Variants in CA10 observed in about 807,000 individuals in gnomAD.
The protein encoded by CA10 is carbonic anhydrase-related protein 10.
A neutral mutation model predicts 44.2 loss-of-function variants in CA10; 14 were observed. That is an observed-to-expected ratio of 0.32 (90% confidence interval 0.21 to 0.50). CA10 has a LOEUF of 0.50. CA10 is among the 20% of genes least tolerant of loss of function. CA10 has a pLI of 0.99. For missense variants in CA10, 350 were observed against 409.7 expected (o/e 0.85, Z 1.26); for synonymous variants, 159 against 141.6 (o/e 1.12, Z -0.87).
At chr17:51,972,013 A>T (rs922383271) in intron 2 of CA10, among the ~76,000 whole-genome samples, 1 of 151,992 alleles carries the variant, frequency 6.6e-6, no homozygotes, top group Non-Finnish European at 1.5e-5. Context: ...AATAAGCACA[A>T]TTTTTTTAAT....
chr17:52,048,583 G>A (rs112495807), intron 2 of CA10, among the ~76,000 whole-genome samples: 2,980 of 152,124 alleles, frequency 0.02, 93 homozygotes, highest in African/African-American at 0.066. Flanking sequence ...ATGAAAGGGG[G>A]TAATCTAAAG....
At chr17:51,898,536 T>C (rs1048779318) in intron 3 of CA10, among the ~76,000 whole-genome samples, 2 of 151,954 alleles carry the variant, frequency 1.3e-5, no homozygotes, top group Admixed American at 6.6e-5. Context: ...CCTCTTCCTG[T>C]TTGTTTGGTC....
chr17:51,735,915 G>GT, intron 4 of CA10, among the ~76,000 whole-genome samples: 1 of 89,146 alleles, frequency 1.1e-5, no homozygotes, highest in Middle Eastern at 6.3e-3. Context: ...ATCAGTGATT[G>GT]CCGGGGCTAG....
intron 3 of CA10, among the ~76,000 whole-genome samples, chr17:51,779,310 G>T (rs6504746): frequency 0.092 from 13,926 of 152,114 alleles, 1,111 homozygotes; most frequent in African/African-American, 0.22. Flanking sequence ...GATGAATAGT[G>T]AATACTTTTT....
intron 2 of CA10, among the ~76,000 whole-genome samples, chr17:52,038,079 A>G (rs1430414371): frequency 2.0e-5 from 3 of 152,188 alleles, no homozygotes; most frequent in Non-Finnish European, 4.4e-5. Context: ...GAAGGCAGTC[A>G]ATAAACAGTA....
intron 3 of CA10, among the ~76,000 whole-genome samples, chr17:51,856,152 G>A (rs75259474): frequency 0.11 from 16,408 of 152,194 alleles, 1,172 homozygotes; most frequent in South Asian, 0.3. Flanking sequence ...TCTCTTTGCT[G>A]CCAGTGCTTT....
At chr17:51,740,429 T>C (rs960603486) in intron 4 of CA10, among the ~76,000 whole-genome samples, 1 of 152,164 alleles carries the variant, frequency 6.6e-6, no homozygotes. Context: ...TTAGGCAGTG[T>C]TATGAATCAG....
intron 4 of CA10, among the ~76,000 whole-genome samples, chr17:51,691,433 T>C (rs1287763794): frequency 6.6e-6 from 1 of 152,204 alleles, no homozygotes; most frequent in African/African-American, 2.4e-5. Flanking sequence ...TTTACTACTA[T>C]TGAGTTGCTT....
chr17:52,159,145 G>GTGCTC (rs1432421394), upstream of CA10: 1 of 151,564 alleles, frequency 6.6e-6, no homozygotes, highest in African/African-American at 2.4e-5. Context: ...GTGCTGTGCT[G>GTGCTC]TGCTCTCCCT....
At chr17:51,711,978 G>A (rs1567812880) in intron 4 of CA10, among the ~76,000 whole-genome samples, 1 of 149,936 alleles carries the variant, frequency 6.7e-6, no homozygotes, top group Non-Finnish European at 1.5e-5. Flanking sequence ...GATCTGGGCA[G>A]GAGGTCTACA....
rs9900092 is a variant in CA10, at chr17:51,631,572, T to G, written c.*12A>C. 0.011 allele frequency: 16,974 copies of G among 1,611,926 alleles called. 1,633 individuals carry two copies. In the African/African-American group the frequency reaches 0.2, roughly 19 times the overall value. On this transcript the variant is annotated 3_prime_UTR_variant, in exon 9 of 9. Coordinates refer to ENST00000451037, the MANE Select transcript of CA10 (RefSeq NM_020178.5). ...CATTTCACTGAGGTGGGATTCTTCT[T>G]GGCTTTGTTCCCTACTTGAGGAGCC...
At chr17:51,978,806 T>G (rs963818145) in intron 2 of CA10, among the ~76,000 whole-genome samples, 1 of 152,128 alleles carries the variant, frequency 6.6e-6, no homozygotes, top group African/African-American at 2.4e-5. Context: ...AACTTTTACC[T>G]AGTCATTGCC....
At chr17:51,908,538 G>A (rs370821087) in intron 3 of CA10, among the ~76,000 whole-genome samples, 15 of 152,128 alleles carry the variant, frequency 9.9e-5, no homozygotes, top group Admixed American at 8.5e-4. Context: ...TTAAGAAGCC[G>A]AGTTTTCCTC....
intron 3 of CA10, among the ~76,000 whole-genome samples, chr17:51,912,889 A>C (rs1321268040): frequency 2.0e-5 from 3 of 152,232 alleles, no homozygotes; most frequent in Non-Finnish European, 4.4e-5. Flanking sequence ...AGTACATTCT[A>C]ATAATGCTGC....
In CA10 at chr17:51,938,254, T is replaced by G. The variant is rs1018975449; in HGVS notation, c.137-7122A>C. Among the ~76,000 whole-genome samples the G allele has an allele frequency of 6.6e-5, 10 of 152,086 alleles. No homozygotes were observed. The East Asian group carries it at 1.9e-3, about 29-fold the overall frequency. ...TAATGTTGGCTCTATAATAAGGATT[T>G]AAAACATTGGAGAAGGGGTTGAGTG... On this transcript the variant is annotated intron_variant, in intron 2 of 8. Transcript: ENST00000451037.
At chr17:51,732,788 A>G (rs1422983961) in intron 4 of CA10, among the ~76,000 whole-genome samples, 1 of 152,198 alleles carries the variant, frequency 6.6e-6, no homozygotes, top group Non-Finnish European at 1.5e-5. Flanking sequence ...TCTTGCGCCA[A>G]AGGAACATAA....
chr17:52,113,286 T>C (rs1489668130), intron 1 of CA10, among the ~76,000 whole-genome samples: 1 of 152,228 alleles, frequency 6.6e-6, no homozygotes, highest in African/African-American at 2.4e-5. Flanking sequence ...AAACCCACCT[T>C]TTTGAGAAAT....
At chr17:51,640,685 A>C (rs1913044055) in intron 6 of CA10, among the ~76,000 whole-genome samples, 1 of 151,820 alleles carries the variant, frequency 6.6e-6, no homozygotes, top group Non-Finnish European at 1.5e-5. Flanking sequence ...CCAAGAAAAG[A>C]ACATGAGTAA....
chr17:52,137,303 T>C (rs1010476786), intron 1 of CA10, among the ~76,000 whole-genome samples: 8 of 152,324 alleles, frequency 5.3e-5, no homozygotes, highest in African/African-American at 1.9e-4. Context: ...TCTCCAGGGT[T>C]GATGTGACAA....
Sources: gnomAD v4.1 joint callset for allele counts (sites outside exome capture counted in the v4.1 genomes callset) on GRCh38, gnomAD v4.1.1 for gene constraint, MANE v1.5 for transcripts, NCBI Gene and HGNC (gene_info 2026-07-23, HGNC 2026-07-21) for gene names.